DYNC1I1: variants seen among roughly 807,000 people sequenced by gnomAD.
The protein encoded by DYNC1I1 is dynein cytoplasmic 1 intermediate chain 1.
A neutral mutation model predicts 86.6 loss-of-function variants in DYNC1I1; 43 were observed. The observed-to-expected ratio is 0.50, with a 90% CI of 0.39 to 0.64. The LOEUF (loss-of-function observed/expected upper bound fraction) is 0.64. Ranked by LOEUF, DYNC1I1 falls within the 30% of genes least tolerant of loss-of-function variation. The pLI, the probability that DYNC1I1 is intolerant of heterozygous loss-of-function variation, is 0.00. For missense variants in DYNC1I1, 604 were observed against 788.8 expected, an observed-to-expected ratio of 0.77 and a Z score of 2.81; for synonymous variants, 262 against 283.7, an observed-to-expected ratio of 0.92 and a Z score of 0.77.
intron 10 of DYNC1I1, among the ~76,000 whole-genome samples, chr7:96,020,776 T>C (rs1794526545): frequency 6.6e-6 from 1 of 152,140 alleles, no homozygotes; most frequent in Non-Finnish European, 1.5e-5. Flanking sequence ...TAAAACCAGA[T>C]GTGGTTTATG....
intron 2 of DYNC1I1, among the ~76,000 whole-genome samples, chr7:95,809,138 T>G (rs772292499): frequency 3.3e-5 from 5 of 152,166 alleles, no homozygotes; most frequent in Admixed American, 1.3e-4. Flanking sequence ...ACAGATAGAC[T>G]TCAAAAATAT....
chr7:95,776,936 G>A (rs1386583732), intron 1 of DYNC1I1, among the ~76,000 whole-genome samples: 1 of 152,232 alleles, frequency 6.6e-6, no homozygotes, highest in African/African-American at 2.4e-5. Context: ...GATGCTTGGA[G>A]GGATTAAGTC....
At chr7:95,877,952 C>T (rs902028705) in intron 6 of DYNC1I1, among the ~76,000 whole-genome samples, 40 of 152,176 alleles carry the variant, frequency 2.6e-4, no homozygotes, top group Non-Finnish European at 4.4e-5. Context: ...GATAACTATG[C>T]ACATGCCCAA....
intron 7 of DYNC1I1, among the ~76,000 whole-genome samples, chr7:95,979,110 A>T (rs1793389063): frequency 6.6e-6 from 1 of 152,212 alleles, no homozygotes; most frequent in African/African-American, 2.4e-5. Context: ...TTAGAAAATT[A>T]TTAAAAATCA....
At chr7:95,873,214 A>G (rs1278733360) in intron 6 of DYNC1I1, among the ~76,000 whole-genome samples, 1 of 152,156 alleles carries the variant, frequency 6.6e-6, no homozygotes, top group Non-Finnish European at 1.5e-5. Flanking sequence ...TCAAAGGGAG[A>G]GTAATGCAAT....
chr7:95,969,007 A>C (rs890827192), intron 6 of DYNC1I1, among the ~76,000 whole-genome samples: 1 of 152,202 alleles, frequency 6.6e-6, no homozygotes, highest in African/African-American at 2.4e-5. Flanking sequence ...GGAGTTGTGC[A>C]ATGGGATGGC....
At chr7:95,914,725 T>A (rs959962793) in intron 6 of DYNC1I1, among the ~76,000 whole-genome samples, 9 of 152,192 alleles carry the variant, frequency 5.9e-5, no homozygotes, top group Non-Finnish European at 1.3e-4. Flanking sequence ...GTTTGAGGAA[T>A]TGGCATTTGC....
At chr7:96,005,560 A>G (rs907841558) in intron 10 of DYNC1I1, among the ~76,000 whole-genome samples, 1 of 152,054 alleles carries the variant, frequency 6.6e-6, no homozygotes, top group African/African-American at 2.4e-5. Context: ...CCCCTTCCTT[A>G]TGTCTAAAAT....
intron 10 of DYNC1I1, among the ~76,000 whole-genome samples, chr7:96,011,678 A>G (rs536748977): frequency 6.6e-6 from 1 of 152,352 alleles, no homozygotes; most frequent in Admixed American, 6.5e-5. Flanking sequence ...AACAACTCAC[A>G]TAGAAAATTT....
chr7:95,942,715 A>G (rs1480464499), intron 6 of DYNC1I1, among the ~76,000 whole-genome samples: 1 of 149,214 alleles, frequency 6.7e-6, no homozygotes, highest in African/African-American at 2.5e-5. Context: ...AGGCTGGTTC[A>G]ATATACGCAA....
intron 1 of DYNC1I1, among the ~76,000 whole-genome samples, chr7:95,784,218 G>T (rs1794069307): frequency 6.6e-6 from 1 of 152,066 alleles, no homozygotes. Context: ...GGTAATTCAG[G>T]TCTATCGGGG....
In DYNC1I1 at chr7:95,822,895, G is replaced by T. The variant is rs143737297; in HGVS notation, c.315-5162G>T. ...GTCATCCCAGGAATTCCAGAAAGGGGAGACTTGGGTAGCAGTGAGGATGAT... is the reference window on the plus strand; with the variant it reads ...GTCATCCCAGGAATTCCAGAAAGGGTAGACTTGGGTAGCAGTGAGGATGAT... On this transcript the variant is annotated intron_variant, in intron 4 of 16. Coordinates refer to ENST00000447467, the MANE Select transcript of DYNC1I1 (RefSeq NM_001135556.2). Among the ~76,000 whole-genome samples, 8 of 152,294 alleles carry T rather than the reference G, an allele frequency of 5.3e-5. No individual in the cohort carries two copies. In the East Asian group the frequency reaches 1.4e-3, roughly 26 times the overall value.
In DYNC1I1 at chr7:95,818,478, T is replaced by A. The variant is rs759837578; in HGVS notation, c.314+5141T>A. 4.0e-3 allele frequency: 2,265 copies of A among 560,242 alleles called. 1 individual carries two copies. Among genetic ancestry groups the A allele is most frequent in the South Asian group, 7.0e-3 (331 of 47,238 alleles). The allele number at this position is 560,242 out of a possible 1,614,324, so 34.7% of individuals were successfully genotyped here. ...CACCACACCCAGCTGATTTAATTTT[T>A]TTTTTTTTTTTTTTTTGTAGAGACG... On this transcript the variant is annotated intron_variant, in intron 4 of 16. Coordinates refer to ENST00000447467, the MANE Select transcript of DYNC1I1 (RefSeq NM_001135556.2).
At chr7:96,104,473 T>C (rs1375367510) in intron 16 of DYNC1I1, among the ~76,000 whole-genome samples, 1 of 152,160 alleles carries the variant, frequency 6.6e-6, no homozygotes, top group Non-Finnish European at 1.5e-5. Flanking sequence ...TGTCTTATGT[T>C]TTCTTTTGGA....
intron 13 of DYNC1I1, among the ~76,000 whole-genome samples, chr7:96,038,635 G>A (rs1263293600): frequency 2.0e-5 from 3 of 152,250 alleles, no homozygotes; most frequent in Admixed American, 6.5e-5. Flanking sequence ...ATACTTGCCC[G>A]TATGGGATTT....
At chr7:96,099,156 G>A (rs1380874000), downstream of DYNC1I1, among the ~76,000 whole-genome samples, 4 of 152,160 alleles carry the variant, frequency 2.6e-5, no homozygotes, top group Non-Finnish European at 5.9e-5. Context: ...AATGCAAAAC[G>A]CGTGCATTAT....
chr7:95,773,498 G>A (rs555751868), intron 1 of DYNC1I1, among the ~76,000 whole-genome samples: 1 of 152,122 alleles, frequency 6.6e-6, no homozygotes, highest in Non-Finnish European at 1.5e-5. Context: ...CTGAGTGTGC[G>A]GGAGTCTCAT....
At chr7:95,951,575 A>G (rs1253349572) in intron 6 of DYNC1I1, among the ~76,000 whole-genome samples, 1 of 152,230 alleles carries the variant, frequency 6.6e-6, no homozygotes, top group Non-Finnish European at 1.5e-5. Context: ...ACAACCTATT[A>G]CAGATTAAGA....
intron 16 of DYNC1I1, chr7:96,109,904 T>C (rs1236366534): frequency 4.8e-6 from 1 of 208,524 alleles, no homozygotes; most frequent in African/African-American, 2.4e-5. Context: ...AGGTCTATTA[T>C]TTGATAAATG....
Sources: gnomAD v4.1 joint callset for allele counts (sites outside exome capture counted in the v4.1 genomes callset) on GRCh38, gnomAD v4.1.1 for gene constraint, MANE v1.5 for transcripts, NCBI Gene and HGNC (gene_info 2026-07-23, HGNC 2026-07-21) for gene names.